Variants in COL4A1 observed in about 807,000 individuals in gnomAD.
COL4A1 encodes collagen type IV alpha 1 chain, also known as collagen alpha-1(IV) chain.
In COL4A1, 40 loss-of-function variants were observed where a neutral mutation model predicts 216.6. That is an observed-to-expected ratio of 0.18 (90% confidence interval 0.14 to 0.24). COL4A1 has a LOEUF of 0.24. COL4A1 is among the 10% of genes least tolerant of loss of function. The pLI is 1.00. For missense variants in COL4A1, 1,628 were observed against 2,196.8 expected (o/e 0.74, Z 5.18); for synonymous variants, 839 against 810.7 (o/e 1.03, Z -0.59).
chr13:110,188,615 T>C (rs1209635758), intron 24 of COL4A1, among the ~76,000 whole-genome samples: 1 of 152,204 alleles, frequency 6.6e-6, no homozygotes, highest in Non-Finnish European at 1.5e-5. Context: ...CATTTCCAGC[T>C]GCAAAACTTG....
rs1382212530 is a variant in COL4A1, at chr13:110,219,848, ATATATATG to A, written c.145-5841_145-5834del. Among the ~76,000 whole-genome samples the A allele has an allele frequency of 6.7e-5, 5 of 74,804 alleles. No homozygotes were observed. The South Asian group carries it at 2.0e-3, about 29-fold the overall frequency. The allele number at this position is 74,804 out of a possible 152,430, so 49.1% of individuals were successfully genotyped here. On this transcript the variant is annotated intron_variant, in intron 2 of 51. Coordinates refer to ENST00000375820, the MANE Select transcript of COL4A1 (RefSeq NM_001845.6). ...TATATGTATGTATGTATATATGTGT[ATATATATG>A]TATATATGTGTGTGTATATATGTAT...
chr13:110,209,814 C>G (rs41275098), intron 10 of COL4A1, 166 bp downstream of exon 10: 1 of 860,610 alleles, frequency 1.2e-6, no homozygotes, highest in Middle Eastern at 2.2e-4. Context: ...ATATGGGTAC[C>G]GGGATGCCAG....
At chr13:110,179,723 C>T (rs1236900560) in intron 29 of COL4A1, among the ~76,000 whole-genome samples, 3 of 152,166 alleles carry the variant, frequency 2.0e-5, no homozygotes, top group African/African-American at 7.2e-5. Flanking sequence ...GTCCCCTCAA[C>T]TCTGCAGCCT....
chr13:110,178,808 C>T lies in COL4A1; in HGVS notation c.2458+115G>A. ...ACAAACTCGAGTTTTATTTTTTTCT[C>T]TTTTTATCTCATACATTGTGCTAAG... On this transcript the variant is annotated intron_variant, in intron 31 of 51. Coordinates refer to ENST00000375820, the MANE Select transcript of COL4A1 (RefSeq NM_001845.6). 7 of 789,008 alleles carry T rather than the reference C, an allele frequency of 8.9e-6. No individual in the cohort carries two copies. The Admixed American group carries it at 1.5e-4, about 17-fold the overall frequency. The allele number at this position is 789,008 out of a possible 1,614,324, so 48.9% of individuals were successfully genotyped here.
At chr13:110,295,264 T>C (rs1435583817) in intron 1 of COL4A1, among the ~76,000 whole-genome samples, 1 of 106,266 alleles carries the variant, frequency 9.4e-6, no homozygotes, top group Non-Finnish European at 2.1e-5. Flanking sequence ...CTTTCTTTTT[T>C]TTTTTTTTTT....
Position 110,222,617 on chromosome 13 carries a change from C to A in COL4A1, c.145-8602G>T, listed in dbSNP as rs1880546557. Among the ~76,000 whole-genome samples, 3 of 145,976 alleles carry A rather than the reference C, an allele frequency of 2.1e-5. 1 individual carries two copies. The highest frequency in any genetic ancestry group is 3.0e-5 in the Non-Finnish European group (2 of 66,184). ...TGAAACCCCGTCTCTACTAAAAATA[C>A]AAAAAATTAGCCGGGTGTGGTGGCG... On this transcript the variant is annotated intron_variant, in intron 2 of 51. Coordinates refer to ENST00000375820, the MANE Select transcript of COL4A1 (RefSeq NM_001845.6).
chr13:110,215,165 G>A (rs1430050034), intron 2 of COL4A1, among the ~76,000 whole-genome samples: 1 of 152,116 alleles, frequency 6.6e-6, no homozygotes, highest in Non-Finnish European at 1.5e-5. Context: ...GGAGATGTGG[G>A]TGGGCAGAGT....
rs1161710304 is a variant in COL4A1, at chr13:110,150,322, G to T, written c.*41C>A. On this transcript the variant is annotated 3_prime_UTR_variant, in exon 52 of 52. Transcript: ENST00000375820. Reference sequence around the variant, plus strand: ...TCGTTGCTGTTAACAAAAAGAAGAAGAAGTAGCACCATGTTGTGACATTAG... The same window carrying T: ...TCGTTGCTGTTAACAAAAAGAAGAATAAGTAGCACCATGTTGTGACATTAG... 1 of 1,572,740 alleles carries T rather than the reference G, an allele frequency of 6.4e-7. No homozygotes were observed. The highest frequency in any genetic ancestry group is 8.7e-7 in the Non-Finnish European group (1 of 1,146,930).
intron 1 of COL4A1, among the ~76,000 whole-genome samples, chr13:110,272,935 C>G (rs764448568): frequency 1.3e-5 from 2 of 152,202 alleles, no homozygotes; most frequent in Non-Finnish European, 2.9e-5. Flanking sequence ...CTCCTCTGTG[C>G]CAGATATGCC....
intron 24 of COL4A1, chr13:110,191,771 T>C (rs1878639902): frequency 1.7e-6 from 1 of 603,276 alleles, no homozygotes; most frequent in Non-Finnish European, 2.9e-6. Flanking sequence ...CTATTGATGC[T>C]GAACCTACTG....
At chr13:110,176,759 A>G (rs976951410) in intron 34 of COL4A1, 35 bp from the exon 35 acceptor site, 3 of 1,612,642 alleles carry the variant, frequency 1.9e-6, no homozygotes, top group Non-Finnish European at 2.5e-6. Context: ...AATGACCCGC[A>G]TTTGCTTGCA....
chr13:110,263,806 A>C (rs1882922025), intron 1 of COL4A1, among the ~76,000 whole-genome samples: 1 of 152,222 alleles, frequency 6.6e-6, no homozygotes, highest in Admixed American at 6.5e-5. Context: ...TAGGGCTCTC[A>C]AATAAACTTT....
At chr13:110,184,072 C>A (rs1202160713) in intron 26 of COL4A1, among the ~76,000 whole-genome samples, 1 of 152,242 alleles carries the variant, frequency 6.6e-6, no homozygotes, top group Non-Finnish European at 1.5e-5. Flanking sequence ...GTTGGTGACA[C>A]ACACCCTGGG....
chr13:110,153,368 C>T (rs664984), intron 50 of COL4A1, among the ~76,000 whole-genome samples: 2,064 of 152,316 alleles, frequency 0.014, 43 homozygotes, highest in African/African-American at 0.045. Flanking sequence ...AGACACTGTT[C>T]TCTAGAACGT....
chr13:110,187,026 T>C (rs1443675192), intron 25 of COL4A1, 112 bp downstream of exon 25: 3 of 1,355,822 alleles, frequency 2.2e-6, no homozygotes, highest in Non-Finnish European at 2.1e-6. Context: ...AGTTCATTTG[T>C]GCCATCATCA....
At chr13:110,162,182 C>T (rs772500580) in intron 48 of COL4A1, 48 bp downstream of exon 48, 1 of 1,551,896 alleles carries the variant, frequency 6.4e-7, no homozygotes, top group Non-Finnish European at 8.9e-7. Flanking sequence ...ACCGAAGGCA[C>T]TCAACACACC....
chr13:110,272,434 A>G (rs1009516336), intron 1 of COL4A1, among the ~76,000 whole-genome samples: 1 of 152,226 alleles, frequency 6.6e-6, no homozygotes, highest in Non-Finnish European at 1.5e-5. Flanking sequence ...TTTCTAAGAA[A>G]CACCTCAACC....
intron 46 of COL4A1, 149 bp downstream of exon 46, chr13:110,164,713 T>C (rs1303175497): frequency 1.7e-6 from 2 of 1,204,140 alleles, no homozygotes; most frequent in Non-Finnish European, 2.2e-6. Flanking sequence ...GGTTTTGATA[T>C]GCATTGAAGG....
At chr13:110,260,897 T>C (rs1005621502) in intron 1 of COL4A1, among the ~76,000 whole-genome samples, 6 of 151,506 alleles carry the variant, frequency 4.0e-5, no homozygotes, top group Admixed American at 2.0e-4. Context: ...ATTAGCTGGG[T>C]GCGGTGGAGG....
Sources: gnomAD v4.1 joint callset for allele counts (sites outside exome capture counted in the v4.1 genomes callset) on GRCh38, gnomAD v4.1.1 for gene constraint, MANE v1.5 for transcripts, NCBI Gene and HGNC (gene_info 2026-07-23, HGNC 2026-07-21) for gene names.